STK3: variants seen among roughly 807,000 people sequenced by gnomAD.
STK3 encodes the protein serine/threonine-protein kinase 3.
Under a neutral mutation model 58.0 loss-of-function variants are expected in STK3, and 41 were observed. The observed-to-expected ratio is 0.71, with a 90% confidence interval of 0.55 to 0.92. The LOEUF is 0.92. STK3 is among the 40% of genes least tolerant of loss of function. The pLI is 0.00. For synonymous variants in STK3, 170 were observed against 191.0 expected (o/e 0.89, Z 0.91); for missense variants, 479 against 602.7 (o/e 0.79, Z 2.15).
At chr8:98,716,217 T>C (rs1016273687) in intron 4 of STK3, among the ~76,000 whole-genome samples, 1 of 152,112 alleles carries the variant, frequency 6.6e-6, no homozygotes, top group Non-Finnish European at 1.5e-5. Context: ...TACACTAACA[T>C]GGCACATGTA....
At chr8:98,712,510 AC>A (rs1310662086) in intron 4 of STK3, among the ~76,000 whole-genome samples, 1 of 151,240 alleles carries the variant, frequency 6.6e-6, no homozygotes, top group Non-Finnish European at 1.5e-5. Flanking sequence ...CAGACGTTAA[AC>A]CAACAAAGAT....
chr8:98,373,149 G>A (rs1817628344), intron 2 of STK3, among the ~76,000 whole-genome samples: 1 of 152,138 alleles, frequency 6.6e-6, no homozygotes, highest in Non-Finnish European at 1.5e-5. Context: ...CACCAGAGTT[G>A]GTGCTCCATA....
At chr8:98,612,715 C>T (rs946827360) in intron 6 of STK3, among the ~76,000 whole-genome samples, 3 of 152,126 alleles carry the variant, frequency 2.0e-5, no homozygotes, top group Admixed American at 6.5e-5. Context: ...AAACTTTAGG[C>T]AAATTTCACT....
chr8:98,698,459 C>T (rs921193907), intron 6 of STK3, among the ~76,000 whole-genome samples: 81 of 152,184 alleles, frequency 5.3e-4, no homozygotes, highest in African/African-American at 1.7e-3. Context: ...TTCCTAGCCT[C>T]GATGGTCTTT....
intron 1 of STK3, among the ~76,000 whole-genome samples, chr8:98,892,781 T>G (rs575058548): frequency 6.6e-6 from 1 of 152,348 alleles, no homozygotes; most frequent in South Asian, 2.1e-4. Flanking sequence ...TTCACTACTT[T>G]ATTTCCAGGA....
intron 8 of STK3, among the ~76,000 whole-genome samples, chr8:98,552,806 C>A (rs1467713225): frequency 6.6e-6 from 1 of 151,782 alleles, no homozygotes; most frequent in Non-Finnish European, 1.5e-5. Flanking sequence ...ACAGTAGGTA[C>A]TTGATAAATA....
intron 1 of STK3, among the ~76,000 whole-genome samples, chr8:98,906,018 G>T (rs139317518): frequency 2.0e-5 from 3 of 152,206 alleles, no homozygotes; most frequent in Admixed American, 6.5e-5. Flanking sequence ...ATTGGCACAC[G>T]TGTGGGCTAC....
At chr8:98,684,175 TG>T in intron 6 of STK3, among the ~76,000 whole-genome samples, 1 of 152,150 alleles carries the variant, frequency 6.6e-6, no homozygotes, top group Admixed American at 6.5e-5. Context: ...AAAGATAAAA[TG>T]TATCACAGTC....
downstream of STK3, among the ~76,000 whole-genome samples, chr8:98,396,825 T>C (rs1817900362): frequency 6.6e-6 from 1 of 152,202 alleles, no homozygotes. Flanking sequence ...ACTTCACACA[T>C]GACTGCACAA....
intron 8 of STK3, among the ~76,000 whole-genome samples, chr8:98,554,240 C>T (rs188283424): frequency 1.3e-5 from 2 of 152,226 alleles, no homozygotes; most frequent in Admixed American, 1.3e-4. Context: ...AGATGATTTT[C>T]TATCAGTTCC....
chr8:98,652,860 T>C (rs1409415863), intron 6 of STK3, among the ~76,000 whole-genome samples: 2 of 151,766 alleles, frequency 1.3e-5, no homozygotes, highest in Non-Finnish European at 2.9e-5. Flanking sequence ...CAAAGAGACT[T>C]AGACTCCCAC....
At chr8:98,507,051 T>G (rs1342201653) in intron 10 of STK3, among the ~76,000 whole-genome samples, 1 of 152,146 alleles carries the variant, frequency 6.6e-6, no homozygotes, top group Non-Finnish European at 1.5e-5. Flanking sequence ...CTACATATAC[T>G]CATTTCTTTG....
At chr8:98,779,601 G>T (rs778754656) in intron 1 of STK3, among the ~76,000 whole-genome samples, 1 of 151,926 alleles carries the variant, frequency 6.6e-6, no homozygotes, top group Admixed American at 6.6e-5. Flanking sequence ...TTTGGCCTTG[G>T]GTCCCAGCCC....
intron 7 of STK3, among the ~76,000 whole-genome samples, chr8:98,584,862 T>C (rs1211147605): frequency 1.3e-5 from 2 of 151,526 alleles, no homozygotes; most frequent in East Asian, 3.9e-4. Flanking sequence ...ATGATGAGCA[T>C]TTTTTCATGT....
In STK3 at chr8:98,463,408, G is replaced by A. The variant is rs1045033843; in HGVS notation, c.1318-7408C>T. Among the ~76,000 whole-genome samples, 28 of 151,732 alleles carry A rather than the reference G, an allele frequency of 1.8e-4. No individual in the cohort carries two copies. The East Asian group carries it at 3.1e-3, about 17-fold the overall frequency. ...AAAAAAAAAACCAAGTAAAAGATAC[G>A]CAAATTAATAACTCAGTTACTAGCT... On this transcript the variant is annotated intron_variant, in intron 10 of 10. Coordinates refer to ENST00000419617, the MANE Select transcript of STK3 (RefSeq NM_006281.4).
chr8:98,760,865 T>TA (rs796758181), intron 3 of STK3, among the ~76,000 whole-genome samples: 14 of 150,792 alleles, frequency 9.3e-5, no homozygotes, highest in Admixed American at 7.3e-4. Flanking sequence ...GAAAGAGTAT[T>TA]AAAAAAAAAT....
chr8:98,664,585 C>T (rs1822200159), intron 6 of STK3, among the ~76,000 whole-genome samples: 3 of 152,112 alleles, frequency 2.0e-5, no homozygotes, highest in Admixed American at 6.5e-5. Context: ...AGCCCAACTT[C>T]GTTTGGTTTG....
chr8:98,378,300 C>T (rs1284409173), intron 2 of STK3, among the ~76,000 whole-genome samples: 1 of 152,194 alleles, frequency 6.6e-6, no homozygotes, highest in Non-Finnish European at 1.5e-5. Context: ...CAGCACTTGG[C>T]TTCTTGAAGA....
intron 10 of STK3, among the ~76,000 whole-genome samples, chr8:98,512,906 C>T (rs932061555): frequency 6.6e-6 from 1 of 151,920 alleles, no homozygotes; most frequent in South Asian, 2.1e-4. Context: ...ATGTCTATAC[C>T]CAAATGCTCC....
Sources: gnomAD v4.1 joint callset for allele counts (sites outside exome capture counted in the v4.1 genomes callset) on GRCh38, gnomAD v4.1.1 for gene constraint, MANE v1.5 for transcripts, NCBI Gene and HGNC (gene_info 2026-07-23, HGNC 2026-07-21) for gene names.